CDIN1: variants seen among roughly 807,000 people sequenced by gnomAD.
The protein encoded by CDIN1 is CDAN1-interacting nuclease 1.
In CDIN1, 33 loss-of-function variants were observed where a neutral mutation model predicts 45.3. That is an observed-to-expected ratio of 0.73 (90% CI 0.55 to 0.97). The LOEUF (loss-of-function observed/expected upper bound fraction) is 0.97. CDIN1 is among the 50% of genes least tolerant of loss of function. The pLI, the probability that CDIN1 is intolerant of heterozygous loss-of-function variation, is 0.00. For synonymous variants in CDIN1, 118 were observed against 124.4 expected, an observed-to-expected ratio of 0.95 and a Z score of 0.34; for missense variants, 303 against 339.4, an observed-to-expected ratio of 0.89 and a Z score of 0.84.
At chr15:36,642,146 A>G (rs2040135914) in intron 1 of CDIN1, among the ~76,000 whole-genome samples, 1 of 152,190 alleles carries the variant, frequency 6.6e-6, no homozygotes, top group Non-Finnish European at 1.5e-5. Context: ...CCTTCTCAGC[A>G]TTAACACGTT....
chr15:36,799,338 A>G (rs2054931564), intron 10 of CDIN1: 1 of 152,146 alleles, frequency 6.6e-6, no homozygotes, highest in Non-Finnish European at 1.5e-5. Context: ...CCCATTTGAG[A>G]AGGTGTTCTG....
chr15:36,770,317 CA>C (rs369838951), intron 10 of CDIN1, among the ~76,000 whole-genome samples: 5 of 136,800 alleles, frequency 3.7e-5, no homozygotes, highest in Admixed American at 7.3e-5. Flanking sequence ...GGGAGGAAAG[CA>C]AAAAAAAAGG....
At chr15:36,757,237 A>G (rs113653642) in intron 10 of CDIN1, among the ~76,000 whole-genome samples, 2 of 152,314 alleles carry the variant, frequency 1.3e-5, no homozygotes, top group African/African-American at 2.4e-5. Flanking sequence ...AGTTAGGGTT[A>G]TGGAGGCCCA....
At chr15:36,643,530 TG>T (rs2040194364) in intron 1 of CDIN1, among the ~76,000 whole-genome samples, 1 of 152,236 alleles carries the variant, frequency 6.6e-6, no homozygotes, top group African/African-American at 2.4e-5. Flanking sequence ...AGAGTAGCAG[TG>T]GGGTATTGAT....
intron 10 of CDIN1, among the ~76,000 whole-genome samples, chr15:36,714,208 C>G (rs1230051204): frequency 6.6e-6 from 1 of 152,090 alleles, no homozygotes; most frequent in Non-Finnish European, 1.5e-5. Context: ...AGTCCTATTT[C>G]ATGAAATAGA....
At chr15:36,613,480 G>A in intron 1 of CDIN1, 2 of 1,550,906 alleles carry the variant, frequency 1.3e-6, no homozygotes, top group Non-Finnish European at 8.8e-7. Flanking sequence ...CCATGGCTGG[G>A]ATCACCACCA....
rs186051898 is a variant in CDIN1 at position 36,610,738 on chromosome 15, G to C, written c.101+30777G>C. Among the ~76,000 whole-genome samples, 90 of 152,328 alleles carry C rather than the reference G, an allele frequency of 5.9e-4. 1 individual carries two copies. The East Asian group carries it at 9.4e-3, about 16-fold the overall frequency. ...AAAATTAAGTGTCCACAGAATTGGT[G>C]ACCTGTTTTTAAGAGAACCTGTAAC... is the stretch of plus-strand genomic sequence containing the variant. On this transcript the variant is annotated intron_variant, in intron 1 of 10. Transcript: ENST00000566621.
chr15:36,697,175 A>T, intron 7 of CDIN1, 148 bp from the exon 8 acceptor site: 1 of 690,166 alleles, frequency 1.4e-6, no homozygotes, highest in South Asian at 1.8e-5. Flanking sequence ...CTATCCAATT[A>T]TTTAAATGAG....
intron 1 of CDIN1, among the ~76,000 whole-genome samples, chr15:36,639,679 G>C (rs1025238251): frequency 6.6e-6 from 1 of 152,184 alleles, no homozygotes; most frequent in African/African-American, 2.4e-5. Flanking sequence ...CAGTAATCAA[G>C]AGATGATTTA....
At chr15:36,780,806 T>G (rs188463058) in intron 10 of CDIN1, among the ~76,000 whole-genome samples, 1 of 152,320 alleles carries the variant, frequency 6.6e-6, no homozygotes, top group Admixed American at 6.5e-5. Context: ...GTCAGAGAAC[T>G]AGTAAGTGGC....
At chr15:36,795,726 A>G (rs2054778125) in intron 10 of CDIN1, among the ~76,000 whole-genome samples, 1 of 151,698 alleles carries the variant, frequency 6.6e-6, no homozygotes, top group Non-Finnish European at 1.5e-5. Flanking sequence ...TTTTATTTAT[A>G]TAGTCTCACT....
chr15:36,783,969 C>T (rs2054421905), intron 10 of CDIN1, among the ~76,000 whole-genome samples: 1 of 152,132 alleles, frequency 6.6e-6, no homozygotes, highest in South Asian at 2.1e-4. Context: ...TGACTTTCCA[C>T]AGGTTTCCAG....
At chr15:36,609,309 C>T (rs2038535477) in intron 1 of CDIN1, among the ~76,000 whole-genome samples, 1 of 152,186 alleles carries the variant, frequency 6.6e-6, no homozygotes, top group African/African-American at 2.4e-5. Context: ...AGCCACCGCA[C>T]CTGGCCTATT....
At chr15:36,678,991 C>T (rs2041752235) in intron 5 of CDIN1, among the ~76,000 whole-genome samples, 2 of 152,102 alleles carry the variant, frequency 1.3e-5, no homozygotes, top group Non-Finnish European at 2.9e-5. Context: ...CTTGAAATGC[C>T]CTTAGCTGGG....
At chr15:36,631,695 G>A (rs891298233) in intron 1 of CDIN1, among the ~76,000 whole-genome samples, 1 of 152,086 alleles carries the variant, frequency 6.6e-6, no homozygotes, top group Non-Finnish European at 1.5e-5. Flanking sequence ...TAGCTATTAT[G>A]TATAAAGTTG....
At chr15:36,596,179 A>G (rs1020240656) in intron 1 of CDIN1, among the ~76,000 whole-genome samples, 2 of 68,818 alleles carry the variant, frequency 2.9e-5, no homozygotes, top group African/African-American at 1.2e-4. Context: ...GATGTGAAAA[A>G]AAAAAGCTCA....
chr15:36,747,885 G>T (rs1178162717), intron 10 of CDIN1, among the ~76,000 whole-genome samples: 1 of 152,048 alleles, frequency 6.6e-6, no homozygotes, highest in African/African-American at 2.4e-5. Context: ...TTCACTCTGA[G>T]TCTTGTTCCC....
At chr15:36,640,040 T>C (rs1657461765) in intron 1 of CDIN1, among the ~76,000 whole-genome samples, 1 of 152,164 alleles carries the variant, frequency 6.6e-6, no homozygotes, top group South Asian at 2.1e-4. Flanking sequence ...AGTTTACAGA[T>C]TTTTCCCTTT....
At chr15:36,632,142 T>C (rs936950187) in intron 1 of CDIN1, among the ~76,000 whole-genome samples, 1 of 152,170 alleles carries the variant, frequency 6.6e-6, no homozygotes, top group South Asian at 2.1e-4. Context: ...ACCATAACTC[T>C]GTATTTAGTA....
Sources: gnomAD v4.1 joint callset for allele counts (sites outside exome capture counted in the v4.1 genomes callset) on GRCh38, gnomAD v4.1.1 for gene constraint, MANE v1.5 for transcripts, NCBI Gene and HGNC (gene_info 2026-07-23, HGNC 2026-07-21) for gene names.